MYRIP: variants seen among roughly 807,000 people sequenced by gnomAD.
MYRIP encodes the protein myosin VIIA and Rab interacting protein, also known as rab effector MyRIP.
In MYRIP, 49 loss-of-function variants were observed where a neutral mutation model predicts 98.0. That is an observed-to-expected ratio of 0.50 (90% CI 0.40 to 0.63). The LOEUF (loss-of-function observed/expected upper bound fraction) is 0.63, where lower values mean the gene tolerates loss of function less well. Among genes scored for constraint, MYRIP ranks in the 30% least tolerant of loss-of-function variants. MYRIP has a pLI of 0.00. For missense variants in MYRIP, 1,004 were observed against 1,058.2 expected (o/e 0.95, Z 0.71); for synonymous variants, 404 against 409.5 (o/e 0.99, Z 0.16).
At chr3:40,096,837 T>C (rs2125887832) in intron 3 of MYRIP, among the ~76,000 whole-genome samples, 1 of 152,320 alleles carries the variant, frequency 6.6e-6, no homozygotes. Flanking sequence ...AAATAACAAC[T>C]GTAAGAAAAA....
intron 3 of MYRIP, among the ~76,000 whole-genome samples, chr3:40,066,672 G>A (rs899683906): frequency 2.6e-5 from 4 of 152,038 alleles, no homozygotes; most frequent in African/African-American, 9.7e-5. Context: ...TTTACTCAAT[G>A]GACTCTTACT....
At chr3:39,958,026 A>G (rs1945213902) in intron 2 of MYRIP, among the ~76,000 whole-genome samples, 1 of 152,188 alleles carries the variant, frequency 6.6e-6, no homozygotes, top group Non-Finnish European at 1.5e-5. Flanking sequence ...CACGAAATAA[A>G]AGAGGATACA....
At chr3:40,252,232 C>A (rs1192752428) in intron 16 of MYRIP, among the ~76,000 whole-genome samples, 3 of 152,176 alleles carry the variant, frequency 2.0e-5, no homozygotes, top group African/African-American at 7.2e-5. Context: ...CCCTCCTCAA[C>A]TGTTACTCTA....
At chr3:39,888,204 A>G (rs537880304) in intron 1 of MYRIP, among the ~76,000 whole-genome samples, 2,783 of 152,268 alleles carry the variant, frequency 0.018, 84 homozygotes, top group African/African-American at 0.063. Context: ...GAACCAAAAA[A>G]GGGCCCACAT....
At chr3:39,908,879 G>A (rs1943946899) in intron 2 of MYRIP, among the ~76,000 whole-genome samples, 1 of 152,176 alleles carries the variant, frequency 6.6e-6, no homozygotes, top group Non-Finnish European at 1.5e-5. Flanking sequence ...TGAAATAACT[G>A]TGTGTGCACA....
intron 1 of MYRIP, among the ~76,000 whole-genome samples, chr3:39,818,946 T>A (rs1217744102): frequency 6.6e-6 from 1 of 152,246 alleles, no homozygotes; most frequent in East Asian, 1.9e-4. Flanking sequence ...TTTTTGTGTA[T>A]ATATAAATAC....
At chr3:39,960,935 TGAG>T (rs1336685045) in intron 2 of MYRIP, among the ~76,000 whole-genome samples, 1 of 152,146 alleles carries the variant, frequency 6.6e-6, no homozygotes. Flanking sequence ...AACCTCATGG[TGAG>T]GAGAAGTGCA....
At chr3:39,841,709 G>T (rs1941805573) in intron 1 of MYRIP, among the ~76,000 whole-genome samples, 1 of 152,142 alleles carries the variant, frequency 6.6e-6, no homozygotes, top group Non-Finnish European at 1.5e-5. Context: ...CTAATAGGCA[G>T]GTCCCTCTTC....
chr3:40,178,653 T>C (rs1432468705), intron 8 of MYRIP, among the ~76,000 whole-genome samples: 1 of 152,248 alleles, frequency 6.6e-6, no homozygotes, highest in African/African-American at 2.4e-5. Flanking sequence ...CTTATTTGGC[T>C]AATATTTATT....
At chr3:40,150,503 G>A (rs1487796324) in intron 3 of MYRIP, among the ~76,000 whole-genome samples, 1 of 152,172 alleles carries the variant, frequency 6.6e-6, no homozygotes, top group East Asian at 1.9e-4. Flanking sequence ...TATCTTCCTT[G>A]TGCTTTTTAT....
intron 8 of MYRIP, chr3:40,173,782 G>C (rs1221980046): frequency 6.6e-6 from 1 of 152,044 alleles, no homozygotes; most frequent in African/African-American, 2.4e-5. Flanking sequence ...ATTTCCCTTT[G>C]GTTTACTAAA....
intron 2 of MYRIP, among the ~76,000 whole-genome samples, chr3:39,978,536 A>G (rs7624049): frequency 0.089 from 13,594 of 152,240 alleles, 1,454 homozygotes; most frequent in African/African-American, 0.25. Context: ...TGTAAAAATA[A>G]TTGTGGACTT....
chr3:39,980,862 T>C (rs1485463393), intron 2 of MYRIP, among the ~76,000 whole-genome samples: 1 of 152,108 alleles, frequency 6.6e-6, no homozygotes, highest in Non-Finnish European at 1.5e-5. Context: ...GAAAGTAGGA[T>C]GGTAGTTGCC....
At chr3:40,178,097 C>A (rs1028744311) in intron 8 of MYRIP, among the ~76,000 whole-genome samples, 1 of 152,190 alleles carries the variant, frequency 6.6e-6, no homozygotes, top group African/African-American at 2.4e-5. Context: ...GCCCTCAAAT[C>A]TTTGATACTA....
chr3:39,848,593 A>G (rs913423041), intron 1 of MYRIP, among the ~76,000 whole-genome samples: 4 of 152,236 alleles, frequency 2.6e-5, no homozygotes, highest in African/African-American at 9.6e-5. Context: ...TGACACATGT[A>G]AGAAAGGAGG....
chr3:40,013,200 C>T (rs1246311649), intron 2 of MYRIP, among the ~76,000 whole-genome samples: 2 of 152,168 alleles, frequency 1.3e-5, no homozygotes, highest in African/African-American at 4.8e-5. Flanking sequence ...ACAAGCAGGA[C>T]ATGGGGTTAA....
chr3:40,245,037 A>T (rs1171742142), intron 13 of MYRIP, among the ~76,000 whole-genome samples: 1 of 152,216 alleles, frequency 6.6e-6, no homozygotes, highest in Admixed American at 6.5e-5. Context: ...GTGGCTTAAC[A>T]TGTAACTCCA....
At chr3:40,214,624 T>C (rs1391827597) in intron 11 of MYRIP, among the ~76,000 whole-genome samples, 1 of 152,162 alleles carries the variant, frequency 6.6e-6, no homozygotes, top group Non-Finnish European at 1.5e-5. Context: ...TCAAAACTTC[T>C]TGGAAACTGG....
At chr3:39,907,966 CTG>C (rs1288898727) in intron 2 of MYRIP, among the ~76,000 whole-genome samples, 1 of 152,152 alleles carries the variant, frequency 6.6e-6, no homozygotes, top group Non-Finnish European at 1.5e-5. Flanking sequence ...TTAAAAATGA[CTG>C]TTAATTGTAC....
Sources: allele counts gnomAD v4.1 joint callset (sites outside exome capture counted in the v4.1 genomes callset), GRCh38; gene constraint gnomAD v4.1.1; transcripts MANE v1.5; gene names NCBI Gene and HGNC (gene_info 2026-07-23, HGNC 2026-07-21).